The following LRRC66 variants were observed in gnomAD, a reference collection of about 807,000 sequenced individuals.
LRRC66 encodes the protein leucine rich repeat containing 66.
In LRRC66, 29 loss-of-function variants were observed where a neutral mutation model predicts 24.6. That is an observed-to-expected ratio of 1.18 (90% CI 0.88 to 1.61). The LOEUF (loss-of-function observed/expected upper bound fraction) is 1.61, where lower values mean the gene tolerates loss of function less well. Among genes scored for constraint, LRRC66 ranks in the 40% most tolerant of loss-of-function variants. LRRC66 has a pLI of 0.00. For synonymous variants in LRRC66, 411 were observed against 397.6 expected, an observed-to-expected ratio of 1.03 and a Z score of -0.40; for missense variants, 1,124 against 1,058.0, an observed-to-expected ratio of 1.06 and a Z score of -0.87.
chr4:52,003,357 G>A lies in LRRC66; in HGVS notation c.532C>T (p.Leu178=). ...ATTTGCAATATCCCATTGAATGACA[G>A]ATCCAAACTCTGCAATGACTTCAGT... ...WKLKSLQSLD[L]SFNGILQIGW... Residue 178 remains leucine, a synonymous_variant, in exon 3 of 5, where the codon CTG becomes TTG. Coordinates refer to ENST00000682860, the MANE Select transcript of LRRC66 (RefSeq NM_001024611.3). The A allele has an allele frequency of 6.2e-7, 1 of 1,613,494 alleles. No individual in the cohort carries two copies. The highest frequency in any genetic ancestry group is 8.5e-7 in the Non-Finnish European group (1 of 1,179,810).
rs1218453823 is a variant in LRRC66 at position 52,005,193 on chromosome 4, T to G, written c.497-1801A>C. On this transcript the variant is annotated intron_variant, in intron 2 of 4. Transcript: ENST00000682860. ...CTGACATTAAAAATTCAATAAAAAT[T>G]TGCATTTCTGGCTTCTCTTAAGAAA... Among the ~76,000 whole-genome samples, 3 of 152,104 alleles carry G rather than the reference T, an allele frequency of 2.0e-5. No individual in the cohort carries two copies. In the East Asian group the frequency reaches 5.8e-4, roughly 29 times the overall value.
Position 51,995,958 on chromosome 4 carries a change from C to G in LRRC66, c.1064G>C (p.Ser355Thr), listed in dbSNP as rs750733113. Residue 355 changes from serine to threonine, a missense_variant, in exon 5 of 5, where the codon AGT becomes ACT. Physicochemically the swap from Ser to Thr is moderately conservative, Grantham distance 58. Coordinates refer to ENST00000682860, the MANE Select transcript of LRRC66 (RefSeq NM_001024611.3). ...CTGCACATCGCGGGTGCTTCTAACA[C>G]TCCTTGGCAGCCGTCTCTGCTTCTT... is the stretch of plus-strand genomic sequence containing the variant. ...LRKKQRRLPR[S>T]VRSTRDVQAA... The G allele has an allele frequency of 1.9e-6, 3 of 1,614,078 alleles. 1 individual carries two copies. In the South Asian group the frequency reaches 3.3e-5, roughly 18 times the overall value.
chr4:52,009,458 G>A lies in LRRC66; in HGVS notation c.497-6066C>T, dbSNP rs185719071. ...GAAAAATCAATAAAACCAAAAGCTG[G>A]TTCTTTAACAACAATAAAATTGATT... is the stretch of plus-strand genomic sequence containing the variant. On this transcript the variant is annotated intron_variant, in intron 2 of 4. Transcript: ENST00000682860. Among the ~76,000 whole-genome samples, 707 of 152,050 alleles carry A rather than the reference G, an allele frequency of 4.6e-3. 3 individuals are homozygous for A. The highest frequency in any genetic ancestry group is 6.7e-3 in the Non-Finnish European group (455 of 67,938).
intron 2 of LRRC66, among the ~76,000 whole-genome samples, chr4:52,016,135 C>T (rs1181933756): frequency 6.6e-6 from 1 of 152,174 alleles, no homozygotes; most frequent in Non-Finnish European, 1.5e-5. Context: ...AAGACGCCCA[C>T]CCTTCTCAAA....
intron 2 of LRRC66, among the ~76,000 whole-genome samples, chr4:52,007,942 C>G (rs1232711348): frequency 1.3e-5 from 2 of 152,042 alleles, no homozygotes; most frequent in Non-Finnish European, 2.9e-5. Flanking sequence ...TAACAACTAA[C>G]TATGTTAGAG....
rs201622704 is a variant in LRRC66, at chr4:51,994,657, G to A, written c.2365C>T (p.His789Tyr). 8.7e-6 allele frequency: 14 copies of A among 1,614,190 alleles called. No homozygotes were observed. The highest frequency in any genetic ancestry group is 1.2e-5 in the Non-Finnish European group (14 of 1,180,028). Residue 789 changes from histidine to tyrosine, a missense_variant, in exon 5 of 5, where the codon CAT becomes TAT. Physicochemically the swap from His to Tyr is moderately conservative, Grantham distance 83. Transcript: ENST00000682860. ...SAPDSGMYKT[H>Y]LENASDTDRS... ...TCAGTGTCAGAGGCATTTTCCAGAT[G>A]AGTCTTGTACATGCCAGAGTCTGGA...
Position 52,014,195 on chromosome 4 carries a change from G to A in LRRC66, c.496+2923C>T, listed in dbSNP as rs1032219689. Among the ~76,000 whole-genome samples the A allele has an allele frequency of 2.0e-5, 3 of 152,122 alleles. No individual in the cohort carries two copies. The South Asian group carries it at 6.2e-4, about 32-fold the overall frequency. On this transcript the variant is annotated intron_variant, in intron 2 of 4. Transcript: ENST00000682860. ...TGAACCTGGGAGGCGGAGGTTGCGG[G>A]GAGCCGAGATCGTGCCATTTTTCTC...
chr4:52,006,729 G>GA (rs67180024), intron 2 of LRRC66, among the ~76,000 whole-genome samples: 136,440 of 141,876 alleles, frequency 0.96, 65,623 homozygotes, highest in East Asian at 1. Flanking sequence ...TAATAATAAA[G>GA]AAAAAAAAAC....
rs746733449 is a variant in LRRC66 at position 51,994,413 on chromosome 4, G to A, written c.2609C>T (p.Ala870Val). The A allele has an allele frequency of 9.3e-6, 15 of 1,613,004 alleles. No individual in the cohort carries two copies. Among genetic ancestry groups the A allele is most frequent in the African/African-American group, 4.0e-5 (3 of 74,860 alleles). ...AEVPSDPDKA[A>V]FHERDSDILK is the part of the protein sequence containing the mutation. Reference sequence around the variant, plus strand: ...AATGTCTGAGTCTCTTTCATGGAAGGCAGCCTTATCAGGATCTGAGGGAAC... The same window carrying A: ...AATGTCTGAGTCTCTTTCATGGAAGACAGCCTTATCAGGATCTGAGGGAAC... Residue 870 changes from alanine (A) to valine (V), a missense_variant, in exon 5 of 5, where the codon GCC becomes GTC. Physicochemically the swap from Ala to Val is moderately conservative, Grantham distance 64. Coordinates refer to ENST00000682860, the MANE Select transcript of LRRC66 (RefSeq NM_001024611.3).
At chr4:51,998,324 T>G (rs1736371590) in intron 3 of LRRC66, among the ~76,000 whole-genome samples, 1 of 152,226 alleles carries the variant, frequency 6.6e-6, no homozygotes, top group Non-Finnish European at 1.5e-5. Context: ...GTCAAGAATT[T>G]CTAGAACTAC....
chr4:52,003,421 C>T (rs1736501340), intron 2 of LRRC66, 29 bp from the exon 3 acceptor site: 1 of 1,597,004 alleles, frequency 6.3e-7, no homozygotes, highest in African/African-American at 1.3e-5. Flanking sequence ...AAGTTGAAAT[C>T]TAAACTGGTA....
In LRRC66 at chr4:51,995,899, G is replaced by A; in HGVS notation, c.1123C>T (p.Leu375=). The change falls in exon 5 of 5, where the codon CTG becomes TTG. Residue 375 remains leucine (L), a synonymous_variant. Coordinates refer to ENST00000682860, the MANE Select transcript of LRRC66 (RefSeq NM_001024611.3). ...ACTGACAGGCACACCGCCAGAGCCA[G>A]GTCCTGGGGAGCGTCCTCTTTTTTG... ...AGKKEDAPQD[L]ALAVCLSVFI... 1.2e-6 allele frequency: 2 copies of A among 1,614,166 alleles called. No individual in the cohort carries two copies. Among genetic ancestry groups the A allele is most frequent in the Non-Finnish European group, 1.7e-6 (2 of 1,180,024 alleles).
rs763806659 is a variant in LRRC66 at position 51,995,917 on chromosome 4, C to CT, written c.1104dup (p.Glu369ArgfsTer34). ...AGAGCCAGGTCCTGGGGAGCGTCCTCTTTTTTGCCGGCAGCCTGCACATCG... is the reference window on the plus strand; with the variant it reads ...AGAGCCAGGTCCTGGGGAGCGTCCTCTTTTTTTGCCGGCAGCCTGCACATCG... On this transcript the variant is annotated frameshift_variant, in exon 5 of 5. Coordinates refer to ENST00000682860, the MANE Select transcript of LRRC66 (RefSeq NM_001024611.3). LOFTEE classifies it low-confidence loss of function (END_TRUNC). The CT allele has an allele frequency of 5.6e-6, 9 of 1,613,950 alleles. No individual in the cohort carries two copies. The African/African-American group carries it at 9.3e-5, about 17-fold the overall frequency.
chr4:51,995,052 G>T lies in LRRC66; in HGVS notation c.1970C>A (p.Pro657Gln). ...EALSAHYSEV[P>Q]YGDPRDTGPS... is the part of the protein sequence containing the mutation. ...GCCTGTGTCTCTTGGGTCACCGTAT[G>T]GAACCTCGCTGTAGTGGGCTGAAAG... Residue 657 changes from proline (P) to glutamine (Q), a missense_variant, in exon 5 of 5, where the codon CCA (proline) becomes CAA (glutamine). Pro to Gln is a moderately conservative substitution (Grantham distance 76). Coordinates refer to ENST00000682860, the MANE Select transcript of LRRC66 (RefSeq NM_001024611.3). 1 of 1,614,172 alleles carries T rather than the reference G, an allele frequency of 6.2e-7. No individual in the cohort carries two copies.
chr4:52,011,510 G>A (rs1211538736), intron 2 of LRRC66, among the ~76,000 whole-genome samples: 1 of 152,170 alleles, frequency 6.6e-6, no homozygotes, highest in Admixed American at 6.5e-5. Flanking sequence ...CAGACTGTTG[G>A]TGAATACTCT....
At chr4:52,006,725 T>TA (rs1736594392) in intron 2 of LRRC66, among the ~76,000 whole-genome samples, 1 of 7,832 alleles carries the variant, frequency 1.3e-4, no homozygotes. Flanking sequence ...ATAATAATAA[T>TA]AAAGAAAAAA....
intron 2 of LRRC66, among the ~76,000 whole-genome samples, chr4:52,016,439 G>A (rs1736813554): frequency 3.3e-5 from 5 of 152,094 alleles, no homozygotes; most frequent in Admixed American, 2.0e-4. Flanking sequence ...AATATAAAAA[G>A]GGCAAAGGAA....
At position 51,995,487 on chromosome 4, in the gene LRRC66, T is replaced by G. The variant is rs762118695; in HGVS notation, c.1535A>C (p.His512Pro). ...TAGTTCACGGTTACCGGCATGTGGA[T>G]GTCTCTGGAGAATGGAATAGACTGC... ...DGAVYSILQR[H>P]PHAGNRELMS... is the part of the protein sequence containing the mutation. Residue 512 changes from histidine (H) to proline (P), a missense_variant, in exon 5 of 5, where the codon CAT (histidine) becomes CCT (proline). Physicochemically the swap from His to Pro is moderately conservative, Grantham distance 77 (BLOSUM62 -2). Transcript: ENST00000682860. 1 of 1,614,164 alleles carries G rather than the reference T, an allele frequency of 6.2e-7. No individual in the cohort carries two copies. The highest frequency in any genetic ancestry group is 1.1e-5 in the South Asian group (1 of 91,072).
At position 51,995,108 on chromosome 4, in the gene LRRC66, T is replaced by C. The variant is rs1025163067; in HGVS notation, c.1914A>G (p.Pro638=). ...SSIDLLSIQQ[P]RLSGARAEEA... is the part of the protein sequence containing the mutation. Reference sequence around the variant, plus strand: ...CCTCAGCCCTTGCCCCGGACAGCCTTGGCTGCTGTATGCTCAGCAAATCAA... The same window carrying C: ...CCTCAGCCCTTGCCCCGGACAGCCTCGGCTGCTGTATGCTCAGCAAATCAA... Residue 638 remains proline, a synonymous_variant, in exon 5 of 5, where the codon CCA becomes CCG. Coordinates refer to ENST00000682860, the MANE Select transcript of LRRC66 (RefSeq NM_001024611.3). 1.9e-6 allele frequency: 3 copies of C among 1,614,114 alleles called. No individual in the cohort carries two copies. In the African/African-American group the frequency reaches 4.0e-5, roughly 22 times the overall value.
Sources: gnomAD v4.1 joint callset for allele counts (sites outside exome capture counted in the v4.1 genomes callset) on GRCh38, gnomAD v4.1.1 for gene constraint, MANE v1.5 for transcripts, NCBI Gene and HGNC (gene_info 2026-07-23, HGNC 2026-07-21) for gene names.